The following UTRN variants were observed in gnomAD, a reference collection of about 807,000 sequenced individuals.
The protein encoded by UTRN is utrophin.
In UTRN, 283 loss-of-function variants were observed where a neutral mutation model predicts 463.9. The ratio of observed to expected loss-of-function variants is 0.61; its 90% CI spans 0.55 to 0.67. The LOEUF (loss-of-function observed/expected upper bound fraction) is 0.67, where lower values mean the gene tolerates loss of function less well. Among genes scored for constraint, UTRN ranks in the 30% least tolerant of loss-of-function variants. The pLI is 0.00. For missense variants in UTRN, 3,922 were observed against 4,084.3 expected, an observed-to-expected ratio of 0.96 and a Z score of 1.08; for synonymous variants, 1,442 against 1,431.5, an observed-to-expected ratio of 1.01 and a Z score of -0.17.
chr6:144,465,328 G>A (rs1789840629), intron 23 of UTRN, among the ~76,000 whole-genome samples: 2 of 152,202 alleles, frequency 1.3e-5, no homozygotes, highest in Admixed American at 1.3e-4. Context: ...ATACAAAAGA[G>A]TCCTGTGGTT....
At chr6:144,713,522 G>T (rs1410049600) in intron 53 of UTRN, among the ~76,000 whole-genome samples, 1 of 151,882 alleles carries the variant, frequency 6.6e-6, no homozygotes, top group Non-Finnish European at 1.5e-5. Flanking sequence ...GCTGAGGCAG[G>T]AGAATCGCTT....
intron 72 of UTRN, 98 bp from the exon 73 acceptor site, chr6:144,840,642 A>T: frequency 7.7e-7 from 1 of 1,304,646 alleles, no homozygotes; most frequent in Non-Finnish European, 1.1e-6. Flanking sequence ...ATTGATATTT[A>T]GAGGCTGGTT....
chr6:144,843,554 A>G (rs958065796), intron 73 of UTRN, among the ~76,000 whole-genome samples: 7 of 152,148 alleles, frequency 4.6e-5, no homozygotes, highest in African/African-American at 1.7e-4. Flanking sequence ...TAAAATTCCT[A>G]TTGGTTGGGG....
intron 58 of UTRN, among the ~76,000 whole-genome samples, chr6:144,768,723 C>T (rs1320300537): frequency 6.6e-6 from 1 of 152,242 alleles, no homozygotes; most frequent in East Asian, 1.9e-4. Context: ...AAATCATTTG[C>T]ATTACTATCT....
intron 63 of UTRN, among the ~76,000 whole-genome samples, chr6:144,797,033 A>C (rs978148187): frequency 6.6e-6 from 1 of 152,174 alleles, no homozygotes; most frequent in Non-Finnish European, 1.5e-5. Flanking sequence ...TAAATTCTGC[A>C]AAGTACATCC....
intron 2 of UTRN, among the ~76,000 whole-genome samples, chr6:144,338,519 GT>G: frequency 6.6e-6 from 1 of 152,190 alleles, no homozygotes; most frequent in Non-Finnish European, 1.5e-5. Context: ...ATGGGACTTA[GT>G]TCTGATTGTA....
At chr6:144,346,041 G>C (rs1369509202) in intron 2 of UTRN, among the ~76,000 whole-genome samples, 1 of 151,956 alleles carries the variant, frequency 6.6e-6, no homozygotes, top group Non-Finnish European at 1.5e-5. Context: ...AGTCGGGCGT[G>C]GTGGCACGTG....
In UTRN at chr6:144,474,867, A is replaced by G. The variant is rs148138610; in HGVS notation, c.3336+108A>G. 236 of 1,301,672 alleles carry G rather than the reference A, an allele frequency of 1.8e-4. 1 individual carries two copies. The East Asian group carries it at 5.4e-3, about 30-fold the overall frequency. The allele number at this position is 1,301,672 out of a possible 1,614,324, so 80.6% of individuals were successfully genotyped here. On this transcript the variant is annotated intron_variant, in intron 25 of 74. Transcript: ENST00000367545. ...CATCCAGTTTGAAAAACGATGGTCT[A>G]GAATAACTCCAGCATGGGTAGTGAG...
At position 144,485,613 on chromosome 6, in the gene UTRN, G is replaced by T. The variant is rs954917136; in HGVS notation, c.3822+94G>T. 3.3e-6 allele frequency: 5 copies of T among 1,535,178 alleles called. No homozygotes were observed. In the East Asian group the frequency reaches 6.9e-5, roughly 21 times the overall value. On this transcript the variant is annotated intron_variant, in intron 28 of 74. Coordinates refer to ENST00000367545, the MANE Select transcript of UTRN (RefSeq NM_007124.3). Reference sequence around the variant, plus strand: ...AATGTAATGCTTTACGCAGGCAAATGCATTTGCTTCCTCAGTGGTTTTCAA... The same window carrying T: ...AATGTAATGCTTTACGCAGGCAAATTCATTTGCTTCCTCAGTGGTTTTCAA...
intron 41 of UTRN, among the ~76,000 whole-genome samples, chr6:144,523,987 G>A (rs1796347532): frequency 6.6e-6 from 1 of 152,190 alleles, no homozygotes; most frequent in Non-Finnish European, 1.5e-5. Context: ...AGCTGTGGAT[G>A]TGATGGAAAG....
chr6:144,462,922 C>A, intron 23 of UTRN, 56 bp downstream of exon 23: 1 of 1,307,956 alleles, frequency 7.6e-7, no homozygotes, highest in Non-Finnish European at 1.1e-6. Flanking sequence ...TAGTAATTAT[C>A]TTATAAGATT....
intron 50 of UTRN, among the ~76,000 whole-genome samples, chr6:144,566,569 A>G (rs934733427): frequency 6.6e-6 from 1 of 152,074 alleles, no homozygotes; most frequent in African/African-American, 2.4e-5. Context: ...GGGTGGTGTC[A>G]TTCCTCACTA....
At chr6:144,331,472 T>C (rs1299731797) in intron 2 of UTRN, among the ~76,000 whole-genome samples, 1 of 152,204 alleles carries the variant, frequency 6.6e-6, no homozygotes, top group Non-Finnish European at 1.5e-5. Flanking sequence ...ATGAAAGTCA[T>C]ATGGGGTAGA....
chr6:144,833,744 T>C (rs1586762419), intron 69 of UTRN, among the ~76,000 whole-genome samples: 1 of 152,228 alleles, frequency 6.6e-6, no homozygotes, highest in Non-Finnish European at 1.5e-5. Context: ...TGACTTTGCA[T>C]TGTGTAATTC....
At chr6:144,836,723 A>G in intron 71 of UTRN, 182 bp downstream of exon 71, 1 of 936,740 alleles carries the variant, frequency 1.1e-6, no homozygotes, top group East Asian at 2.8e-5. Flanking sequence ...TCATTGGCAC[A>G]CAAAAATGTG....
At chr6:144,423,016 G>C (rs1005584310) in intron 4 of UTRN, among the ~76,000 whole-genome samples, 1 of 152,208 alleles carries the variant, frequency 6.6e-6, no homozygotes, top group African/African-American at 2.4e-5. Flanking sequence ...CCTGCCTTCC[G>C]AGGGCTCTTG....
chr6:144,468,954 T>A (rs2128565713), intron 23 of UTRN, among the ~76,000 whole-genome samples: 1 of 152,218 alleles, frequency 6.6e-6, no homozygotes, highest in East Asian at 1.9e-4. Context: ...GTACAGGTGG[T>A]AGGTAGCATT....
chr6:144,556,341 G>A (rs968143735), intron 49 of UTRN, among the ~76,000 whole-genome samples: 1 of 152,164 alleles, frequency 6.6e-6, no homozygotes, highest in Non-Finnish European at 1.5e-5. Flanking sequence ...TGATACTGCT[G>A]ACTGTTTCCA....
intron 27 of UTRN, 87 bp downstream of exon 27, chr6:144,482,475 G>A: frequency 2.1e-6 from 2 of 946,626 alleles, no homozygotes; most frequent in Admixed American, 4.6e-5. Flanking sequence ...TCCAAACTCT[G>A]TAATGTTTTG....
Sources: gnomAD v4.1 joint callset for allele counts (sites outside exome capture counted in the v4.1 genomes callset) on GRCh38, gnomAD v4.1.1 for gene constraint, MANE v1.5 for transcripts, NCBI Gene and HGNC (gene_info 2026-07-23, HGNC 2026-07-21) for gene names.